NELL1: variants seen among roughly 807,000 people sequenced by gnomAD.
NELL1 encodes protein kinase C-binding protein NELL1.
NELL1 carries 76 observed loss-of-function variants against 107.4 expected under a neutral mutation model. The observed-to-expected ratio is 0.71, with a 90% CI of 0.59 to 0.86. NELL1 has a LOEUF of 0.86. NELL1 is among the 40% of genes least tolerant of loss of function. The pLI is 0.00. For missense variants in NELL1, 1,024 were observed against 1,005.5 expected, an observed-to-expected ratio of 1.02 and a Z score of -0.25; for synonymous variants, 353 against 341.2, an observed-to-expected ratio of 1.03 and a Z score of -0.38.
chr11:21,347,208 T>C (rs1362178318), intron 14 of NELL1, among the ~76,000 whole-genome samples: 1 of 152,166 alleles, frequency 6.6e-6, no homozygotes, highest in Admixed American at 6.5e-5. Context: ...GAAGTGATGC[T>C]ATGAGCTATG....
chr11:21,431,591 G>A (rs1852966750), intron 15 of NELL1, among the ~76,000 whole-genome samples: 1 of 152,178 alleles, frequency 6.6e-6, no homozygotes, highest in East Asian at 1.9e-4. Context: ...GCCATGATAA[G>A]GTTGGAAAGT....
chr11:21,436,800 T>G (rs1853134724), intron 15 of NELL1, among the ~76,000 whole-genome samples: 1 of 152,084 alleles, frequency 6.6e-6, no homozygotes, highest in African/African-American at 2.4e-5. Context: ...GTCCCATTGG[T>G]TTTGGTATGT....
intron 12 of NELL1, among the ~76,000 whole-genome samples, chr11:21,071,069 A>AT (rs1237239080): frequency 1.1e-4 from 17 of 152,176 alleles, no homozygotes; most frequent in Admixed American, 9.2e-4. Context: ...ACATCACCAT[A>AT]GCTATGAGGT....
chr11:21,533,724 G>C (rs1170942643), intron 15 of NELL1, among the ~76,000 whole-genome samples: 1 of 152,124 alleles, frequency 6.6e-6, no homozygotes, highest in East Asian at 1.9e-4. Context: ...TGATGGACTA[G>C]CATAATCAAT....
intron 12 of NELL1, among the ~76,000 whole-genome samples, chr11:21,080,431 A>G (rs867637589): frequency 1.3e-5 from 2 of 152,152 alleles, no homozygotes; most frequent in Non-Finnish European, 1.5e-5. Flanking sequence ...TTTATAAACT[A>G]GAGGCATATT....
rs947513027 is a variant in NELL1 at position 20,792,194 on chromosome 11, C to T, written c.335+8364C>T. ...TGCTGATTGCATACCACGTGCCAAACATTAATTTTTTTTAGATGATCCCCT... is the reference window on the plus strand; with the variant it reads ...TGCTGATTGCATACCACGTGCCAAATATTAATTTTTTTTAGATGATCCCCT... On this transcript the variant is annotated intron_variant, in intron 3 of 19. Transcript: ENST00000357134. Among the ~76,000 whole-genome samples the T allele has an allele frequency of 4.6e-5, 7 of 152,048 alleles. No homozygotes were observed. The East Asian group carries it at 1.3e-3, about 29-fold the overall frequency.
intron 3 of NELL1, among the ~76,000 whole-genome samples, chr11:20,814,454 C>T (rs1212506310): frequency 6.6e-6 from 1 of 152,190 alleles, no homozygotes; most frequent in Admixed American, 6.5e-5. Context: ...TCCACCCTCC[C>T]ACCGCTCTAA....
At chr11:20,995,739 G>A (rs1320531694) in intron 12 of NELL1, among the ~76,000 whole-genome samples, 1 of 152,100 alleles carries the variant, frequency 6.6e-6, no homozygotes, top group Non-Finnish European at 1.5e-5. Context: ...ACATATTTAT[G>A]TGCTGCTCTG....
chr11:21,400,067 A>T (rs1329733207), intron 15 of NELL1, among the ~76,000 whole-genome samples: 1 of 151,830 alleles, frequency 6.6e-6, no homozygotes, highest in Non-Finnish European at 1.5e-5. Context: ...ATTGTATACC[A>T]CTTTAAAATA....
At chr11:21,287,485 A>G (rs987378759) in intron 14 of NELL1, among the ~76,000 whole-genome samples, 1 of 152,164 alleles carries the variant, frequency 6.6e-6, no homozygotes, top group East Asian at 1.9e-4. Flanking sequence ...CATGAAAACC[A>G]TCTAATGTTC....
chr11:21,170,690 TATATATATACTGTATTATA>T (rs529194778), intron 13 of NELL1, among the ~76,000 whole-genome samples: 52,221 of 140,514 alleles, frequency 0.37, 9,594 homozygotes, highest in Middle Eastern at 0.42. Flanking sequence ...TACTGTAGTT[TATATATATACTGTATTATA>T]TATATATATA....
intron 14 of NELL1, among the ~76,000 whole-genome samples, chr11:21,270,708 G>C (rs1590789996): frequency 6.6e-6 from 1 of 152,120 alleles, no homozygotes; most frequent in African/African-American, 2.4e-5. Context: ...ACATCATTCA[G>C]TGACAGCACA....
At chr11:21,254,164 A>C (rs1858711374) in intron 14 of NELL1, among the ~76,000 whole-genome samples, 1 of 138,258 alleles carries the variant, frequency 7.2e-6, no homozygotes, top group East Asian at 2.1e-4. Flanking sequence ...TGCCTGAAAA[A>C]TATAGGCTAC....
chr11:21,360,089 A>G (rs943188964), intron 14 of NELL1, among the ~76,000 whole-genome samples: 13 of 151,928 alleles, frequency 8.6e-5, no homozygotes, highest in African/African-American at 3.1e-4. Flanking sequence ...TAGATCATCT[A>G]TTTGTGCTCT....
intron 15 of NELL1, among the ~76,000 whole-genome samples, chr11:21,381,905 T>TTTTTTA (rs1851621582): frequency 3.1e-4 from 1 of 3,212 alleles, no homozygotes; most frequent in African/African-American, 1.1e-3. Context: ...CTGGAAGGGA[T>TTTTTTA]TTTTTTTTTT....
intron 2 of NELL1, among the ~76,000 whole-genome samples, chr11:20,780,440 CATTA>C (rs1399580010): frequency 6.6e-6 from 1 of 152,110 alleles, no homozygotes; most frequent in African/African-American, 2.4e-5. Flanking sequence ...ATGGAAAATA[CATTA>C]ATTAATTCAG....
chr11:21,477,393 T>C (rs1032537974), intron 15 of NELL1, among the ~76,000 whole-genome samples: 1 of 152,116 alleles, frequency 6.6e-6, no homozygotes, highest in African/African-American at 2.4e-5. Context: ...TAAGAGTCTC[T>C]GCCTTATAAT....
At chr11:20,794,782 A>C (rs75303293) in intron 3 of NELL1, among the ~76,000 whole-genome samples, 5,114 of 152,196 alleles carry the variant, frequency 0.034, 282 homozygotes, top group African/African-American at 0.12. Flanking sequence ...GTCATCCCAC[A>C]CACCACCCCC....
intron 15 of NELL1, among the ~76,000 whole-genome samples, chr11:21,495,152 T>C (rs965859825): frequency 3.9e-5 from 6 of 152,132 alleles, no homozygotes; most frequent in Non-Finnish European, 8.8e-5. Flanking sequence ...CATTAAGCAA[T>C]CACTCCGCGT....
Sources: allele counts gnomAD v4.1 joint callset (sites outside exome capture counted in the v4.1 genomes callset), GRCh38; gene constraint gnomAD v4.1.1; transcripts MANE v1.5; gene names NCBI Gene and HGNC (gene_info 2026-07-23, HGNC 2026-07-21).